PTPRD: variants seen among roughly 807,000 people sequenced by gnomAD.
PTPRD encodes the protein protein tyrosine phosphatase receptor type D.
A neutral mutation model predicts 214.5 loss-of-function variants in PTPRD; 34 were observed. The observed-to-expected ratio is 0.16, with a 90% CI of 0.12 to 0.21. PTPRD has a LOEUF of 0.21. Ranked by LOEUF, PTPRD falls within the 10% of genes least tolerant of loss-of-function variation. The pLI, the probability that PTPRD is intolerant of heterozygous loss-of-function variation, is 1.00. For missense variants in PTPRD, 2,545 were observed against 2,398.7 expected (o/e 1.06, Z -1.27); for synonymous variants, 1,128 against 845.7 (o/e 1.33, Z -5.79).
chr9:9,890,057 C>G (rs2072692591), intron 5 of PTPRD, among the ~76,000 whole-genome samples: 1 of 152,048 alleles, frequency 6.6e-6, no homozygotes, highest in African/African-American at 2.4e-5. Context: ...AAGAAAGGAG[C>G]TTCTCTCTTA....
intron 8 of PTPRD, among the ~76,000 whole-genome samples, chr9:9,412,027 G>A (rs779231358): frequency 2.0e-5 from 3 of 152,168 alleles, no homozygotes; most frequent in South Asian, 4.1e-4. Flanking sequence ...CCACATTCAC[G>A]GGATCTTTCT....
At chr9:9,310,587 T>A (rs1439064807) in intron 9 of PTPRD, among the ~76,000 whole-genome samples, 3 of 152,168 alleles carry the variant, frequency 2.0e-5, no homozygotes, top group African/African-American at 7.2e-5. Flanking sequence ...GAGCCGTTAT[T>A]GAATGCCTAC....
intron 11 of PTPRD, among the ~76,000 whole-genome samples, chr9:8,771,708 A>AG (rs1599290606): frequency 6.6e-6 from 1 of 152,230 alleles, no homozygotes; most frequent in Non-Finnish European, 1.5e-5. Context: ...TAATTATAAG[A>AG]GAACACTGTT....
intron 9 of PTPRD, among the ~76,000 whole-genome samples, chr9:9,188,012 CAAG>C (rs1303513998): frequency 2.0e-5 from 3 of 152,014 alleles, no homozygotes; most frequent in Admixed American, 6.6e-5. Context: ...CCACCCACGT[CAAG>C]ATATAGCACA....
At chr9:9,644,353 A>G (rs1482455313) in intron 7 of PTPRD, among the ~76,000 whole-genome samples, 1 of 152,186 alleles carries the variant, frequency 6.6e-6, no homozygotes. Flanking sequence ...GATTTAATGC[A>G]GCAGAAATCA....
intron 9 of PTPRD, among the ~76,000 whole-genome samples, chr9:9,280,225 A>G: frequency 6.6e-6 from 1 of 151,288 alleles, no homozygotes; most frequent in Admixed American, 6.6e-5. Context: ...CCATATTGTG[A>G]AGGCATGTAC....
chr9:8,728,807 C>G (rs1243409603), intron 12 of PTPRD, among the ~76,000 whole-genome samples: 1 of 151,878 alleles, frequency 6.6e-6, no homozygotes, highest in South Asian at 2.1e-4. Flanking sequence ...TGGTGAAACC[C>G]CGTATTTATT....
intron 7 of PTPRD, among the ~76,000 whole-genome samples, chr9:9,729,751 C>CA (rs572111355): frequency 2.2e-3 from 317 of 143,366 alleles, no homozygotes; most frequent in East Asian, 7.7e-3. Flanking sequence ...TGGTTTGCAA[C>CA]AAAAAAAAAA....
intron 2 of PTPRD, among the ~76,000 whole-genome samples, chr9:10,561,524 CA>C (rs537517434): frequency 3.3e-5 from 5 of 151,714 alleles, no homozygotes; most frequent in South Asian, 2.1e-4. Context: ...ATCAGTCTTT[CA>C]AAAAAAATTT....
At chr9:8,697,313 G>T (rs926493614) in intron 12 of PTPRD, among the ~76,000 whole-genome samples, 8 of 151,910 alleles carry the variant, frequency 5.3e-5, no homozygotes, top group African/African-American at 1.9e-4. Flanking sequence ...ATGGATCATG[G>T]GGCTCTTTAA....
At chr9:10,064,491 G>A (rs2097841553) in intron 3 of PTPRD, among the ~76,000 whole-genome samples, 1 of 151,910 alleles carries the variant, frequency 6.6e-6, no homozygotes, top group Non-Finnish European at 1.5e-5. Flanking sequence ...CTCTTCCAGT[G>A]AAATCAAACT....
At chr9:9,315,725 A>T (rs1027981039) in intron 9 of PTPRD, among the ~76,000 whole-genome samples, 2 of 151,828 alleles carry the variant, frequency 1.3e-5, no homozygotes, top group Non-Finnish European at 2.9e-5. Context: ...CTAAAAAACA[A>T]AGGAAGAAAA....
At chr9:10,064,576 C>T (rs2097842962) in intron 3 of PTPRD, among the ~76,000 whole-genome samples, 1 of 151,858 alleles carries the variant, frequency 6.6e-6, no homozygotes. Flanking sequence ...AAGCCTGAAC[C>T]TCTCCAAGAA....
At chr9:9,995,092 T>C (rs533931919) in intron 4 of PTPRD, among the ~76,000 whole-genome samples, 1 of 152,180 alleles carries the variant, frequency 6.6e-6, no homozygotes, top group African/African-American at 2.4e-5. Context: ...CTCTTTACTA[T>C]GTAGAAACAT....
intron 11 of PTPRD, among the ~76,000 whole-genome samples, chr9:8,967,186 T>C (rs1440721467): frequency 6.6e-6 from 1 of 151,950 alleles, no homozygotes; most frequent in Non-Finnish European, 1.5e-5. Flanking sequence ...GGAATGCTTA[T>C]ACACTGTTGG....
chr9:10,140,777 C>T (rs931429502), intron 3 of PTPRD, among the ~76,000 whole-genome samples: 1 of 151,916 alleles, frequency 6.6e-6, no homozygotes, highest in East Asian at 1.9e-4. Flanking sequence ...GATACCAAAG[C>T]CGGGCAGAGA....
intron 2 of PTPRD, among the ~76,000 whole-genome samples, chr9:10,612,192 C>T (rs528757704): frequency 2.6e-4 from 34 of 129,018 alleles, no homozygotes; most frequent in Non-Finnish European, 4.3e-4. Context: ...ATATCGAAGT[C>T]TTCTAAGGGC....
intron 12 of PTPRD, among the ~76,000 whole-genome samples, chr9:8,701,117 T>C (rs956201241): frequency 2.0e-5 from 3 of 151,772 alleles, no homozygotes; most frequent in Admixed American, 6.6e-5. Flanking sequence ...GCCAAGATCA[T>C]GCCACTGTAC....
At chr9:9,246,185 T>A (rs2099972984) in intron 9 of PTPRD, among the ~76,000 whole-genome samples, 1 of 152,082 alleles carries the variant, frequency 6.6e-6, no homozygotes, top group African/African-American at 2.4e-5. Flanking sequence ...GCTCATTGTT[T>A]TTGCAGGTTT....
Sources: allele counts gnomAD v4.1 joint callset (sites outside exome capture counted in the v4.1 genomes callset), GRCh38; gene constraint gnomAD v4.1.1; transcripts MANE v1.5; gene names NCBI Gene and HGNC (gene_info 2026-07-23, HGNC 2026-07-21).